COL27A1: variants seen among roughly 807,000 people sequenced by gnomAD.
The protein encoded by COL27A1 is collagen alpha-1(XXVII) chain.
COL27A1 carries 106 observed loss-of-function variants against 251.3 expected under a neutral mutation model. The observed-to-expected ratio is 0.42, with a 90% confidence interval of 0.36 to 0.50. COL27A1 has a LOEUF of 0.50. Ranked by LOEUF, COL27A1 falls within the 20% of genes least tolerant of loss-of-function variation. The probability of loss-of-function intolerance (pLI) is 0.00; values close to 1 mark genes in which losing one functional copy is unlikely to be tolerated. For synonymous variants in COL27A1, 1,000 were observed against 986.3 expected (o/e 1.01, Z -0.26); for missense variants, 2,325 against 2,522.8 (o/e 0.92, Z 1.68).
chr9:114,175,238 C>T lies in COL27A1; in HGVS notation c.1909-3053C>T, dbSNP rs554055918. Among the ~76,000 whole-genome samples, 16 of 152,334 alleles carry T rather than the reference C, an allele frequency of 1.1e-4. No individual in the cohort carries two copies. The East Asian group carries it at 2.1e-3, about 20-fold the overall frequency. The stretch of plus-strand genomic sequence containing the variant: ...CCTCCCCCAGGCAGGCCTGAGCCCC[C>T]GCTCTGCTCCCCCTCAGCTCCAGGC... On this transcript the variant is annotated intron_variant, in intron 3 of 60. Coordinates refer to ENST00000356083, the MANE Select transcript of COL27A1 (RefSeq NM_032888.4).
chr9:114,221,702 C>G (rs1377156489), intron 13 of COL27A1, among the ~76,000 whole-genome samples: 2 of 152,120 alleles, frequency 1.3e-5, no homozygotes, highest in Non-Finnish European at 2.9e-5. Flanking sequence ...TCTGGGGGCC[C>G]CTGGAAGAAG....
intron 3 of COL27A1, among the ~76,000 whole-genome samples, chr9:114,177,993 T>TA (rs1358280757): frequency 6.6e-6 from 1 of 152,154 alleles, no homozygotes. Flanking sequence ...TAGCGGTCTT[T>TA]AAAATAGAGG....
chr9:114,265,155 TGGGGGTGGGGG>T, intron 31 of COL27A1, 45 bp downstream of exon 31: 1 of 537,288 alleles, frequency 1.9e-6, no homozygotes, highest in Non-Finnish European at 3.5e-6. Context: ...GGGCTTTTGA[TGGGGGTGGGGG>T]GCGGGTGCGG....
chr9:114,235,661 A>C lies in COL27A1; in HGVS notation c.2619+9A>C. The C allele has an allele frequency of 6.2e-7, 1 of 1,610,734 alleles. No homozygotes were observed. On this transcript the variant is annotated intron_variant, in intron 17 of 60. Coordinates refer to ENST00000356083, the MANE Select transcript of COL27A1 (RefSeq NM_032888.4). ...GATTCCAAGGAGACAAGGTAATTGCATGAGATTTTCCCCTCCCCCTGCCCC... is the reference window on the plus strand; with the variant it reads ...GATTCCAAGGAGACAAGGTAATTGCCTGAGATTTTCCCCTCCCCCTGCCCC...
At chr9:114,201,310 G>A (rs1404244269) in intron 7 of COL27A1, among the ~76,000 whole-genome samples, 2 of 152,320 alleles carry the variant, frequency 1.3e-5, no homozygotes, top group South Asian at 2.1e-4. Context: ...GTCAGCACCC[G>A]CCCCATAATT....
At chr9:114,276,340 T>C (rs142467833) in intron 37 of COL27A1, among the ~76,000 whole-genome samples, 2 of 152,318 alleles carry the variant, frequency 1.3e-5, no homozygotes, top group East Asian at 3.9e-4. Flanking sequence ...GTGCGGTGGC[T>C]CACGCCTGTA....
At position 114,282,552 on chromosome 9, in the gene COL27A1, C is replaced by T. The variant is rs1271026454; in HGVS notation, c.3867C>T (p.Ser1289=). 6.6e-7 allele frequency: 1 copy of T among 1,524,804 alleles called. No homozygotes were observed. The highest frequency in any genetic ancestry group is 8.8e-7 in the Non-Finnish European group (1 of 1,139,744). 94.5% of individuals were successfully genotyped at this position (1,524,804 alleles called of 1,614,324 possible). A position where few individuals can be genotyped will look rare whatever the true frequency, so the allele number is the denominator to read the frequency against. Residue 1289 remains serine, a synonymous_variant, in exon 39 of 61, where the codon AGC becomes AGT. Coordinates refer to ENST00000356083, the MANE Select transcript of COL27A1 (RefSeq NM_032888.4). ...GTPGPKGSRG[S]LGPTGAPGRM... ...CAGGCCCTAAAGGGTCCCGGGGCAG[C>T]CTGGGACCAACGGTGAGGACTCTCT...
At chr9:114,240,397 C>T (rs770293385) in intron 20 of COL27A1, 37 bp from the exon 21 acceptor site, 13 of 1,608,528 alleles carry the variant, frequency 8.1e-6, no homozygotes, top group Admixed American at 3.4e-5. Context: ...ATGGAGGTAC[C>T]GCCTCTGAGA....
chr9:114,292,381 C>G (rs1827983881), intron 49 of COL27A1, among the ~76,000 whole-genome samples, 171 bp downstream of exon 49: 1 of 152,228 alleles, frequency 6.6e-6, no homozygotes, highest in Admixed American at 6.5e-5. Flanking sequence ...AGATACCATT[C>G]TGCCACCCCT....
At chr9:114,258,974 A>G (rs1413540519) in intron 28 of COL27A1, among the ~76,000 whole-genome samples, 1 of 152,262 alleles carries the variant, frequency 6.6e-6, no homozygotes, top group Non-Finnish European at 1.5e-5. Flanking sequence ...CCAGTCAACA[A>G]GTGAATCAAA....
At chr9:114,154,251 G>A (rs1056975824), upstream of COL27A1, among the ~76,000 whole-genome samples, 1 of 152,040 alleles carries the variant, frequency 6.6e-6, no homozygotes, top group Non-Finnish European at 1.5e-5. This position sits in a 1 kb window ranked among gnomAD's most constrained non-coding sequence, Gnocchi z 5.8. Context: ...CCCGCGCCCC[G>A]TTTAGGGAAG....
intron 49 of COL27A1, among the ~76,000 whole-genome samples, chr9:114,297,729 G>T (rs1828351174): frequency 1.3e-5 from 2 of 152,210 alleles, no homozygotes; most frequent in Non-Finnish European, 1.5e-5. Flanking sequence ...ATATTTAATG[G>T]TAGAGGACTG....
intron 8 of COL27A1, 73 bp from the exon 9 acceptor site, chr9:114,205,686 C>T: frequency 7.4e-7 from 1 of 1,358,758 alleles, no homozygotes; most frequent in Non-Finnish European, 1.1e-6. Flanking sequence ...CAGCCCCAGT[C>T]TCCCAGGGTC....
At chr9:114,246,710 G>C (rs922895905) in intron 24 of COL27A1, among the ~76,000 whole-genome samples, 1 of 152,182 alleles carries the variant, frequency 6.6e-6, no homozygotes, top group African/African-American at 2.4e-5. Context: ...CACACGATGG[G>C]CTTCCTCACC....
rs1316896078 is a variant in COL27A1 at position 114,199,572 on chromosome 9, T to C, written c.2124+3560T>C. The stretch of plus-strand genomic sequence containing the variant: ...GCCCTCTCCTCCACACTCATCCTCA[T>C]GTGCCTACTCCTTGGTTCTGTTCTT... On this transcript the variant is annotated intron_variant, in intron 7 of 60. Coordinates refer to ENST00000356083, the MANE Select transcript of COL27A1 (RefSeq NM_032888.4). Among the ~76,000 whole-genome samples the C allele has an allele frequency of 2.0e-5, 3 of 152,196 alleles. No homozygotes were observed. The East Asian group carries it at 5.8e-4, about 29-fold the overall frequency.
chr9:114,264,271 G>T, intron 28 of COL27A1, 84 bp from the exon 29 acceptor site: 1 of 1,119,798 alleles, frequency 8.9e-7, no homozygotes, highest in Non-Finnish European at 1.2e-6. Context: ...AAGGCCCCAG[G>T]CTTGGAGCAG....
intron 24 of COL27A1, among the ~76,000 whole-genome samples, chr9:114,249,337 C>T (rs1210279257): frequency 6.6e-6 from 1 of 152,242 alleles, no homozygotes; most frequent in Non-Finnish European, 1.5e-5. Context: ...TGCCTCATCC[C>T]TCTTACCTTA....
intron 13 of COL27A1, among the ~76,000 whole-genome samples, 175 bp from the exon 14 acceptor site, chr9:114,222,048 G>C (rs1271989421): frequency 6.6e-6 from 1 of 152,220 alleles, no homozygotes; most frequent in Non-Finnish European, 1.5e-5. Flanking sequence ...AGAGGGGATG[G>C]CTGTGGTCCA....
At chr9:114,231,401 G>A (rs922469679) in intron 15 of COL27A1, among the ~76,000 whole-genome samples, 5 of 152,200 alleles carry the variant, frequency 3.3e-5, no homozygotes, top group African/African-American at 1.2e-4. Context: ...GGCACCGGAA[G>A]TCCAGTGGGG....
Sources: allele counts gnomAD v4.1 joint callset (sites outside exome capture counted in the v4.1 genomes callset), GRCh38; gene constraint gnomAD v4.1.1; non-coding constraint Gnocchi (gnomAD v3.1); transcripts MANE v1.5; gene names NCBI Gene and HGNC (gene_info 2026-07-23, HGNC 2026-07-21).